Variants in ZNF844 observed in about 807,000 individuals in gnomAD.
The protein encoded by ZNF844 is zinc finger protein 844.
ZNF844 carries 11 observed loss-of-function variants against 11.4 expected under a neutral mutation model. The ratio of observed to expected loss-of-function variants is 0.97; its 90% confidence interval spans 0.61 to 1.60. The LOEUF (loss-of-function observed/expected upper bound fraction) is 1.60. Ranked by LOEUF, ZNF844 falls within the 40% of genes most tolerant of loss-of-function variation. The probability of loss-of-function intolerance (pLI) is 0.00; values close to 1 mark genes in which losing one functional copy is unlikely to be tolerated. For missense variants in ZNF844, 790 were observed against 796.8 expected, an observed-to-expected ratio of 0.99 and a Z score of 0.10; for synonymous variants, 248 against 260.3, an observed-to-expected ratio of 0.95 and a Z score of 0.46.
Position 12,077,517 on chromosome 19 carries a change from C to A in ZNF844, c.*396C>A. On this transcript the variant is annotated 3_prime_UTR_variant, in exon 4 of 4. Coordinates refer to ENST00000439326, the MANE Select transcript of ZNF844 (RefSeq NM_001136501.3). ...CATTTCTTCCGGTAGCCTTCGATAT[C>A]ATGAAAGGACTCACACTGGAGAGAA... 1.6e-6 allele frequency: 1 copy of A among 610,334 alleles called. No individual in the cohort carries two copies. 37.8% of individuals were successfully genotyped at this position (610,334 alleles called of 1,614,324 possible). A position where few individuals can be genotyped will look rare whatever the true frequency, so the allele number is the denominator to read the frequency against.
At position 12,074,034 on chromosome 19, in the gene ZNF844, TTGG is replaced by T. The variant is rs1349832309; in HGVS notation, c.11_13del (p.Val4del). ...CTATACATGTGGGATGTTTCAGGAC[TTGG>T]TGGCTTTCGAGGATGTGGCTGTGAA... On this transcript the variant is annotated inframe_deletion, in exon 2 of 4. Coordinates refer to ENST00000439326, the MANE Select transcript of ZNF844 (RefSeq NM_001136501.3). 1.2e-6 allele frequency: 2 copies of T among 1,612,562 alleles called. No homozygotes were observed. The highest frequency in any genetic ancestry group is 2.7e-5 in the African/African-American group (2 of 75,024).
chr19:12,074,988 A>G (rs752135340), intron 3 of ZNF844, among the ~76,000 whole-genome samples: 20 of 152,160 alleles, frequency 1.3e-4, no homozygotes, highest in Middle Eastern at 3.2e-3. Flanking sequence ...TTATAGCCAT[A>G]TGGTCCAGTC....
At position 12,075,482 on chromosome 19, in the gene ZNF844, A is replaced by G. The variant is rs759079439; in HGVS notation, c.362A>G (p.His121Arg). 3.7e-6 allele frequency: 6 copies of G among 1,612,926 alleles called. No individual in the cohort carries two copies. Among genetic ancestry groups the G allele is most frequent in the Non-Finnish European group, 5.1e-6 (6 of 1,179,648 alleles). Residue 121 changes from histidine to arginine, a missense_variant, in exon 4 of 4, where the codon CAC becomes CGC. This residue lies in a region of ZNF844 where 129 missense variants were observed against 144.0 expected (regional missense o/e 0.90). Coordinates refer to ENST00000439326, the MANE Select transcript of ZNF844 (RefSeq NM_001136501.3). The part of the protein sequence containing the change: ...VFVGHSSLNR[H>R]IRADTAHKPS... ...GTGGGTCATTCTTCCCTTAATAGGC[A>G]CATTAGAGCTGACACTGCACACAAG...
Position 12,075,468 on chromosome 19 carries a change from T to G in ZNF844, c.348T>G (p.Ser116=), listed in dbSNP as rs1252674975. The G allele has an allele frequency of 1.2e-6, 2 of 1,612,994 alleles. No individual in the cohort carries two copies. Among genetic ancestry groups the G allele is most frequent in the Non-Finnish European group, 1.7e-6 (2 of 1,179,692 alleles). ...GTGGAGAAGTCTTCGTGGGTCATTC[T>G]TCCCTTAATAGGCACATTAGAGCTG... The part of the protein sequence containing the change: ...SVCGEVFVGH[S]SLNRHIRADT... The change falls in exon 4 of 4, where the codon TCT becomes TCG. Residue 116 remains serine, a synonymous_variant. Transcript: ENST00000439326.
intron 3 of ZNF844, among the ~76,000 whole-genome samples, chr19:12,074,847 C>T (rs138625316): frequency 2.0e-4 from 30 of 152,248 alleles, no homozygotes; most frequent in Non-Finnish European, 3.7e-4. Flanking sequence ...GTGACCCTGA[C>T]TCAAGAAAAT....
rs760629538 is a variant in ZNF844 at position 12,074,441 on chromosome 19, C to T, written c.191+20C>T. The T allele has an allele frequency of 2.4e-5, 36 of 1,489,564 alleles. No homozygotes were observed. In the Middle Eastern group the frequency reaches 2.4e-3, roughly 99 times the overall value. The allele number at this position is 1,489,564 out of a possible 1,614,324, so 92.3% of individuals were successfully genotyped here. A position where few individuals can be genotyped will look rare whatever the true frequency, so the allele number is the denominator to read the frequency against. ...TCTAAGGTGATTTAAACTCACGAGA[C>T]AAAGCAATGTCTCTCTAGAAAATCT... On this transcript the variant is annotated intron_variant, in intron 3 of 3. Coordinates refer to ENST00000439326, the MANE Select transcript of ZNF844 (RefSeq NM_001136501.3).
intron 3 of ZNF844, 91 bp downstream of exon 3, chr19:12,074,512 C>A: frequency 3.3e-6 from 3 of 906,510 alleles, no homozygotes; most frequent in Non-Finnish European, 5.1e-6. Context: ...AGGAAATATG[C>A]CTAGCATTAA....
chr19:12,074,316 AATTTT>A, intron 2 of ZNF844, 40 bp from the exon 3 acceptor site: 1 of 1,490,402 alleles, frequency 6.7e-7, no homozygotes, highest in Non-Finnish European at 9.0e-7. Context: ...ATTTTTTCAT[AATTTT>A]ATTTTAATTC....
At chr19:12,067,967 G>A (rs192376345) in intron 1 of ZNF844, among the ~76,000 whole-genome samples, 1 of 136,878 alleles carries the variant, frequency 7.3e-6, no homozygotes, top group African/African-American at 3.2e-5. Context: ...AAAGAAGGAA[G>A]GAAGGAAGGA....
chr19:12,076,484 A>T lies in ZNF844; in HGVS notation c.1364A>T (p.Lys455Met), dbSNP rs778963784. ...RNRMSVSNVG[K>M]PSDLPHTFKC... ...CGTATGAGTGTAAGCAATGTGGGAA[A>T]GCCTTCAGATCTGCCTCACACCTTC... The change falls in exon 4 of 4, where the codon AAG becomes ATG. Residue 455 changes from lysine to methionine, a missense_variant. Coordinates refer to ENST00000439326, the MANE Select transcript of ZNF844 (RefSeq NM_001136501.3). 4.3e-6 allele frequency: 7 copies of T among 1,611,054 alleles called. No homozygotes were observed. Among genetic ancestry groups the T allele is most frequent in the Non-Finnish European group, 5.9e-6 (7 of 1,178,762 alleles).
chr19:12,071,889 T>C (rs1975756720), intron 1 of ZNF844, among the ~76,000 whole-genome samples: 1 of 150,884 alleles, frequency 6.6e-6, no homozygotes. Flanking sequence ...TTTTCTTTTT[T>C]TTTTTTTTGT....
At chr19:12,070,132 AGC>A in intron 1 of ZNF844, 1 of 149,812 alleles carries the variant, frequency 6.7e-6, no homozygotes. Flanking sequence ...AATAAAAATA[AGC>A]GTAAAAAAAA....
At position 12,075,355 on chromosome 19, in the gene ZNF844, C is replaced by A; in HGVS notation, c.235C>A (p.His79Asn). ...AGTTGATGAAAATACAGAAGAAAAT[C>A]ATTGTGGAGAAACTTCTAGCCAGAT... is the stretch of plus-strand genomic sequence containing the variant. ...ERVDENTEENHCGETSSQIPD... is the reference protein window; with the variant it reads ...ERVDENTEENNCGETSSQIPD... The change falls in exon 4 of 4, where the codon CAT (histidine) becomes AAT (asparagine). Residue 79 changes from histidine (H) to asparagine (N), a missense_variant. This residue lies in a region of ZNF844 where 129 missense variants were observed against 144.0 expected (regional missense o/e 0.90). Coordinates refer to ENST00000439326, the MANE Select transcript of ZNF844 (RefSeq NM_001136501.3). The A allele has an allele frequency of 6.6e-7, 1 of 1,514,488 alleles. No individual in the cohort carries two copies. Among genetic ancestry groups the A allele is most frequent in the South Asian group, 1.3e-5 (1 of 77,610 alleles). The allele number at this position is 1,514,488 out of a possible 1,614,324, so 93.8% of individuals were successfully genotyped here. A position where few individuals can be genotyped will look rare whatever the true frequency, so the allele number is the denominator to read the frequency against.
chr19:12,075,497 C>G lies in ZNF844; in HGVS notation c.377C>G (p.Thr126Ser). 1 of 1,613,626 alleles carries G rather than the reference C, an allele frequency of 6.2e-7. No individual in the cohort carries two copies. The highest frequency in any genetic ancestry group is 1.1e-5 in the South Asian group (1 of 90,952). The part of the protein sequence containing the change: ...SSLNRHIRAD[T>S]AHKPSEYQEY... ...CTTAATAGGCACATTAGAGCTGACA[C>G]TGCACACAAGCCGTCTGAGTATCAG... The change falls in exon 4 of 4, where the codon ACT (threonine) becomes AGT (serine). Residue 126 changes from threonine to serine, a missense_variant. Coordinates refer to ENST00000439326, the MANE Select transcript of ZNF844 (RefSeq NM_001136501.3).
intron 1 of ZNF844, among the ~76,000 whole-genome samples, chr19:12,067,749 T>A (rs1975705836): frequency 6.6e-6 from 1 of 150,440 alleles, no homozygotes; most frequent in African/African-American, 2.4e-5. Context: ...ACTCCGTCTC[T>A]ACTAAAAATA....
chr19:12,078,131 TA>T lies in ZNF844; in HGVS notation c.*1011del, dbSNP rs748451945. 6.6e-6 allele frequency: 1 copy of T among 151,884 alleles called. No homozygotes were observed. Among genetic ancestry groups the T allele is most frequent in the Non-Finnish European group, 1.5e-5 (1 of 68,786 alleles). 9.4% of individuals were successfully genotyped at this position (151,884 alleles called of 1,614,324 possible). A position where few individuals can be genotyped will look rare whatever the true frequency, so the allele number is the denominator to read the frequency against. Reference sequence around the variant, plus strand: ...GGTATGAGCCACCGTGCCCGGCCGTTATTCTCTATTTTTTGTTGTTGTTTGA... The same window carrying T: ...GGTATGAGCCACCGTGCCCGGCCGTTTTCTCTATTTTTTGTTGTTGTTTGA... On this transcript the variant is annotated 3_prime_UTR_variant, in exon 4 of 4. Coordinates refer to ENST00000439326, the MANE Select transcript of ZNF844 (RefSeq NM_001136501.3).
At position 12,075,835 on chromosome 19, in the gene ZNF844, T is replaced by A. The variant is rs554342006; in HGVS notation, c.715T>A (p.Ser239Thr). 26 of 1,610,942 alleles carry A rather than the reference T, an allele frequency of 1.6e-5. No homozygotes were observed. The highest frequency in any genetic ancestry group is 8.4e-5 in the Admixed American group (5 of 59,300). The change falls in exon 4 of 4, where the codon TCC (serine) becomes ACC (threonine). Residue 239 changes from serine (S) to threonine (T), a missense_variant. By Grantham distance (58) the Ser-to-Thr change is moderately conservative (BLOSUM62 1). This residue lies in a region of ZNF844 where 657 missense variants were observed against 636.2 expected (regional missense o/e 1.03). Coordinates refer to ENST00000439326, the MANE Select transcript of ZNF844 (RefSeq NM_001136501.3). ...TGGTAAAGCCTTTAGTTATTCAACT[T>A]CCCTTCAAATACATGAAAGAACTCA... ...QCGKAFSYST[S>T]LQIHERTHTG... is the part of the protein sequence containing the mutation.
Position 12,076,985 on chromosome 19 carries a change from G to T in ZNF844, c.1865G>T (p.Arg622Leu). The change falls in exon 4 of 4, where the codon CGT becomes CTT. Residue 622 changes from arginine to leucine, a missense_variant. This residue lies in a region of ZNF844 where 657 missense variants were observed against 636.2 expected (regional missense o/e 1.03). Coordinates refer to ENST00000439326, the MANE Select transcript of ZNF844 (RefSeq NM_001136501.3). ...ATGAATGTAAGGAATGCGGAAAAGCGTTCAATTATTTTTCTTCTTTGCGTA... is the reference window on the plus strand; with the variant it reads ...ATGAATGTAAGGAATGCGGAAAAGCTTTCAATTATTTTTCTTCTTTGCGTA... ...NPMNVRNAEK[R>L]SIIFLLCVYT... 1 of 1,599,896 alleles carries T rather than the reference G, an allele frequency of 6.3e-7. No homozygotes were observed.
chr19:12,075,391 A>G lies in ZNF844; in HGVS notation c.271A>G (p.Thr91Ala), dbSNP rs1181421043. Residue 91 changes from threonine (T) to alanine (A), a missense_variant, in exon 4 of 4, where the codon ACA (threonine) becomes GCA (alanine). This residue lies in a region of ZNF844 where 129 missense variants were observed against 144.0 expected (regional missense o/e 0.90). Transcript: ENST00000439326. ...GETSSQIPDD[T>A]LNKKTSPGVK... ...AACTTCTAGCCAGATTCCAGATGACACACTGAACAAAAAAACTTCTCCTGG... is the reference window on the plus strand; with the variant it reads ...AACTTCTAGCCAGATTCCAGATGACGCACTGAACAAAAAAACTTCTCCTGG... 6.3e-7 allele frequency: 1 copy of G among 1,594,236 alleles called. No homozygotes were observed. The highest frequency in any genetic ancestry group is 8.5e-7 in the Non-Finnish European group (1 of 1,170,978).
Sources: gnomAD v4.1 joint callset for allele counts (sites outside exome capture counted in the v4.1 genomes callset) on GRCh38, gnomAD v4.1.1 for gene constraint, gnomAD v4.1.1 regional missense constraint, MANE v1.5 for transcripts, NCBI Gene and HGNC (gene_info 2026-07-23, HGNC 2026-07-21) for gene names.